Variants in LPP observed in about 807,000 individuals in gnomAD.
LPP encodes lipoma-preferred partner.
A neutral mutation model predicts 60.4 loss-of-function variants in LPP; 38 were observed. The ratio of observed to expected loss-of-function variants is 0.63; its 90% CI spans 0.49 to 0.83. LPP has a LOEUF of 0.83. Ranked by LOEUF, LPP falls within the 40% of genes least tolerant of loss-of-function variation. The probability of loss-of-function intolerance (pLI) is 0.00; values close to 1 mark genes in which losing one functional copy is unlikely to be tolerated. For synonymous variants in LPP, 328 were observed against 290.8 expected (o/e 1.13, Z -1.30); for missense variants, 902 against 783.6 (o/e 1.15, Z -1.80).
chr3:188,607,305 A>C (rs2151317752), intron 6 of LPP, among the ~76,000 whole-genome samples: 1 of 141,524 alleles, frequency 7.1e-6, no homozygotes, highest in East Asian at 2.1e-4. Context: ...TATGAATTCC[A>C]TTGTGTATGT....
chr3:188,431,757 C>G (rs1486566551), intron 4 of LPP, among the ~76,000 whole-genome samples: 4 of 152,142 alleles, frequency 2.6e-5, no homozygotes, highest in African/African-American at 9.7e-5. Context: ...ATTGTTTCTT[C>G]ACTTCCTTCC....
rs1458801725 is a variant in LPP, at chr3:188,862,737, A to T, written c.1411-3463A>T. The stretch of plus-strand genomic sequence containing the variant: ...CAAAAAAATAAATAAATAAATAAAT[A>T]AAAGAAAAAAGAAAAGAAAGAAAGA... On this transcript the variant is annotated intron_variant, in intron 9 of 11. Coordinates refer to ENST00000617246, the MANE Select transcript of LPP (RefSeq NM_001375462.1). Among the ~76,000 whole-genome samples, 38 of 144,922 alleles carry T rather than the reference A, an allele frequency of 2.6e-4. 3 individuals are homozygous for T. The highest frequency in any genetic ancestry group is 4.4e-4 in the South Asian group (2 of 4,580).
At chr3:188,659,144 T>C (rs1854011339) in intron 7 of LPP, among the ~76,000 whole-genome samples, 1 of 152,324 alleles carries the variant, frequency 6.6e-6, no homozygotes, top group Non-Finnish European at 1.5e-5. Context: ...TAAAATAACC[T>C]GTTAGGTAGC....
chr3:188,848,271 C>CT (rs1260183709), intron 9 of LPP, among the ~76,000 whole-genome samples: 1 of 152,164 alleles, frequency 6.6e-6, no homozygotes, highest in Non-Finnish European at 1.5e-5. Context: ...CGAGTCTTGT[C>CT]TTATGAGTCT....
At chr3:188,311,471 T>TCTAAACTAAACTAGA (rs1753388463) in intron 2 of LPP, among the ~76,000 whole-genome samples, 1 of 141,946 alleles carries the variant, frequency 7.0e-6, no homozygotes, top group African/African-American at 2.7e-5. Flanking sequence ...AGACCCTATC[T>TCTAAACTAAACTAGA]CTAAACTAAA....
chr3:188,861,814 A>G (rs1765265200), intron 9 of LPP, among the ~76,000 whole-genome samples: 1 of 152,166 alleles, frequency 6.6e-6, no homozygotes, highest in Non-Finnish European at 1.5e-5. Flanking sequence ...TTTAGTCACA[A>G]TTGTATTGCC....
At chr3:188,243,204 T>A (rs1291345944) in intron 2 of LPP, among the ~76,000 whole-genome samples, 1 of 152,194 alleles carries the variant, frequency 6.6e-6, no homozygotes, top group African/African-American at 2.4e-5. Context: ...ACAACAACTC[T>A]AGAAACTTGA....
intron 3 of LPP, among the ~76,000 whole-genome samples, chr3:188,372,287 A>G (rs1773509322): frequency 6.6e-6 from 1 of 152,150 alleles, no homozygotes; most frequent in Admixed American, 6.5e-5. Context: ...AATTAATATA[A>G]GATAAATTTA....
chr3:188,353,254 C>G (rs145909746), intron 3 of LPP, among the ~76,000 whole-genome samples: 16 of 152,278 alleles, frequency 1.1e-4, no homozygotes, highest in African/African-American at 3.9e-4. Flanking sequence ...ACCTTTTAAT[C>G]AGGCACCTGG....
intron 3 of LPP, among the ~76,000 whole-genome samples, chr3:188,381,891 C>T (rs1477905426): frequency 6.6e-6 from 1 of 152,008 alleles, no homozygotes; most frequent in African/African-American, 2.4e-5. Flanking sequence ...AAGCTATCCT[C>T]TCACCTCAGC....
chr3:188,828,640 A>AAAAAAC (rs1756306374), intron 9 of LPP, among the ~76,000 whole-genome samples: 3 of 146,976 alleles, frequency 2.0e-5, no homozygotes, highest in Non-Finnish European at 3.0e-5. Flanking sequence ...AAAAAAAAAA[A>AAAAAAC]CTCAGCTGCA....
chr3:188,192,344 G>C (rs1383820320), intron 1 of LPP, among the ~76,000 whole-genome samples: 1 of 152,148 alleles, frequency 6.6e-6, no homozygotes, highest in African/African-American at 2.4e-5. Context: ...GACAGTTGAG[G>C]GGTTCAGGTC....
At chr3:188,760,001 G>C (rs1418255337) in intron 8 of LPP, 112 bp from the exon 9 acceptor site, 2 of 817,380 alleles carry the variant, frequency 2.4e-6, no homozygotes, top group Non-Finnish European at 4.0e-6. Flanking sequence ...ATGACGGCAG[G>C]AGTGGTGGTT....
intron 1 of LPP, among the ~76,000 whole-genome samples, chr3:188,172,916 G>T (rs1265267522): frequency 6.6e-6 from 1 of 152,084 alleles, no homozygotes; most frequent in Non-Finnish European, 1.5e-5. Flanking sequence ...CTAGGCTGGG[G>T]TCCCCCACTT....
intron 8 of LPP, among the ~76,000 whole-genome samples, chr3:188,722,164 G>C (rs1439405363): frequency 6.6e-6 from 1 of 152,152 alleles, no homozygotes; most frequent in African/African-American, 2.4e-5. Context: ...CTTGAAAGTA[G>C]CTTTCAATGC....
chr3:188,602,164 A>ATAT (rs1491429052), intron 6 of LPP, among the ~76,000 whole-genome samples: 4 of 98,906 alleles, frequency 4.0e-5, no homozygotes, highest in South Asian at 2.9e-4. Flanking sequence ...ATATATATAT[A>ATAT]ATATATATAT....
At chr3:188,675,716 C>T (rs1857912633) in intron 7 of LPP, among the ~76,000 whole-genome samples, 1 of 152,224 alleles carries the variant, frequency 6.6e-6, no homozygotes, top group South Asian at 2.1e-4. Flanking sequence ...TCAACTCCAA[C>T]ATTTAATAAT....
chr3:188,768,808 G>T (rs1734946275), intron 9 of LPP, among the ~76,000 whole-genome samples: 1 of 152,012 alleles, frequency 6.6e-6, no homozygotes, highest in Non-Finnish European at 1.5e-5. Flanking sequence ...TTCTAAATTT[G>T]TTTTTTATCA....
intron 4 of LPP, among the ~76,000 whole-genome samples, chr3:188,428,889 C>T (rs1214125425): frequency 1.3e-5 from 2 of 151,708 alleles, no homozygotes; most frequent in Non-Finnish European, 2.9e-5. Flanking sequence ...AACTACCTGC[C>T]CTTCAAAAAA....
Sources: gnomAD v4.1 joint callset for allele counts (sites outside exome capture counted in the v4.1 genomes callset) on GRCh38, gnomAD v4.1.1 for gene constraint, MANE v1.5 for transcripts, NCBI Gene and HGNC (gene_info 2026-07-23, HGNC 2026-07-21) for gene names.